The following TBXA2R variants were observed in gnomAD, a reference collection of about 807,000 sequenced individuals.
TBXA2R encodes the protein prostanoid TP receptor.
A neutral mutation model predicts 15.6 loss-of-function variants in TBXA2R; 15 were observed. The ratio of observed to expected loss-of-function variants is 0.96; its 90% confidence interval spans 0.64 to 1.48. TBXA2R has a LOEUF of 1.48. TBXA2R is among the 40% of genes most tolerant of loss of function. TBXA2R has a pLI of 0.00. For missense variants in TBXA2R, 506 were observed against 491.4 expected, an observed-to-expected ratio of 1.03 and a Z score of -0.28; for synonymous variants, 280 against 241.2, an observed-to-expected ratio of 1.16 and a Z score of -1.49.
At chr19:3,603,794 A>G (rs1219509202) in intron 1 of TBXA2R, among the ~76,000 whole-genome samples, 3 of 150,276 alleles carry the variant, frequency 2.0e-5, no homozygotes, top group African/African-American at 4.9e-5. Flanking sequence ...CCCCACCTCC[A>G]CTCCCCACCC....
rs149177103 is a variant in TBXA2R at position 3,605,912 on chromosome 19, C to T, written c.-84+618G>A. Among the ~76,000 whole-genome samples the T allele has an allele frequency of 1.5e-3, 221 of 151,086 alleles. 2 individuals are homozygous for T. Among genetic ancestry groups the T allele is most frequent in the African/African-American group, 5.3e-3 (217 of 41,108 alleles). Reference sequence around the variant, plus strand: ...CAGAAACACGACAGACATAGACACACACAGATACACACATAGGCACACAGG... The same window carrying T: ...CAGAAACACGACAGACATAGACACATACAGATACACACATAGGCACACAGG... On this transcript the variant is annotated intron_variant, in intron 1 of 2. Transcript: ENST00000375190.
chr19:3,598,372 A>T (rs2032644574), intron 2 of TBXA2R, among the ~76,000 whole-genome samples: 3 of 97,702 alleles, frequency 3.1e-5, no homozygotes, highest in African/African-American at 5.2e-5. Context: ...TTTTTTTGAG[A>T]CAGAGTCTTG....
intron 1 of TBXA2R, among the ~76,000 whole-genome samples, chr19:3,602,468 G>A (rs912458427): frequency 2.6e-5 from 4 of 152,130 alleles, no homozygotes; most frequent in African/African-American, 4.8e-5. Context: ...CAGGCGTGGT[G>A]GCTCACGCCT....
Position 3,599,926 on chromosome 19 carries a change from G to T in TBXA2R, c.709C>A (p.Arg237=). The T allele has an allele frequency of 6.4e-7, 1 of 1,551,388 alleles. No homozygotes were observed. ...HGQEAAQQRP[R]DSEVEMMAQL... ...GCCATCATCTCCACCTCGGAGTCCC[G>T]GGGACGCTGCTGGGCCGCCTCCTGC... Residue 237 remains arginine (R), a synonymous_variant, in exon 2 of 3, where the codon CGG becomes AGG. Transcript: ENST00000375190.
At chr19:3,605,526 A>T (rs1233814701) in intron 1 of TBXA2R, among the ~76,000 whole-genome samples, 1 of 151,848 alleles carries the variant, frequency 6.6e-6, no homozygotes, top group Admixed American at 6.6e-5. Context: ...AATGTGACAG[A>T]AACACAGCAG....
intron 1 of TBXA2R, among the ~76,000 whole-genome samples, chr19:3,602,524 G>A (rs1048124393): frequency 1.3e-5 from 2 of 152,098 alleles, no homozygotes; most frequent in Admixed American, 1.3e-4. Context: ...ATCACCTGAA[G>A]TCAGGAGTTT....
In TBXA2R at chr19:3,600,832, T is replaced by G. The variant is rs1347623104; in HGVS notation, c.-83-115A>C. 10 of 609,762 alleles carry G rather than the reference T, an allele frequency of 1.6e-5. No individual in the cohort carries two copies. The East Asian group carries it at 2.0e-4, about 12-fold the overall frequency. The allele number at this position is 609,762 out of a possible 1,614,324, so 37.8% of individuals were successfully genotyped here. ...AGCTCAAATATCCTCTCCGGTTTTT[T>G]TTTTTTTTTTTTTTGAGACAGAGTC... is the stretch of plus-strand genomic sequence containing the variant. On this transcript the variant is annotated intron_variant, in intron 1 of 2. Transcript: ENST00000375190.
At chr19:3,604,655 C>T (rs2032797345) in intron 1 of TBXA2R, among the ~76,000 whole-genome samples, 1 of 152,122 alleles carries the variant, frequency 6.6e-6, no homozygotes, top group African/African-American at 2.4e-5. Context: ...CAGGCTGGGG[C>T]TCCACCTTGC....
intron 1 of TBXA2R, among the ~76,000 whole-genome samples, chr19:3,604,220 A>G (rs1002696641): frequency 1.3e-5 from 2 of 152,074 alleles, no homozygotes; most frequent in Admixed American, 1.3e-4. Flanking sequence ...GGGTTCCAGA[A>G]ATCTCTGTCT....
chr19:3,605,339 G>A (rs1327701082), intron 1 of TBXA2R, among the ~76,000 whole-genome samples: 8 of 152,212 alleles, frequency 5.3e-5, no homozygotes, highest in African/African-American at 9.7e-5. Flanking sequence ...GTGCACACTC[G>A]AGACACACAG....
At chr19:3,598,350 C>CT (rs1177792648) in intron 2 of TBXA2R, among the ~76,000 whole-genome samples, 2,257 of 56,442 alleles carry the variant, frequency 0.04, 79 homozygotes, top group Admixed American at 0.11. Flanking sequence ...CTTTTCTTTT[C>CT]TTTTTTTTTT....
chr19:3,603,035 CAAAA>C (rs397714160), intron 1 of TBXA2R, among the ~76,000 whole-genome samples: 2 of 135,880 alleles, frequency 1.5e-5, no homozygotes, highest in Non-Finnish European at 3.1e-5. Context: ...GACTCCATCT[CAAAA>C]AAAAAAAAAA....
intron 2 of TBXA2R, 126 bp from the exon 3 acceptor site, chr19:3,596,059 C>G: frequency 1.6e-6 from 2 of 1,240,812 alleles, no homozygotes; most frequent in Non-Finnish European, 2.3e-6. Flanking sequence ...GACAGGGTCT[C>G]ACTCTGTCGT....
Position 3,604,330 on chromosome 19 carries a change from G to T in TBXA2R, c.-84+2200C>A, listed in dbSNP as rs562828736. ...GCTTGCAGGTCGTGTGACTCGGAGG[G>T]CTCTGTCCGGCGCTGTTTCCAGAGG... On this transcript the variant is annotated intron_variant, in intron 1 of 2. Coordinates refer to ENST00000375190, the MANE Select transcript of TBXA2R (RefSeq NM_001060.6). Among the ~76,000 whole-genome samples the T allele has an allele frequency of 4.5e-4, 68 of 152,296 alleles. No individual in the cohort carries two copies. In the South Asian group the frequency reaches 0.014, roughly 31 times the overall value.
Position 3,600,043 on chromosome 19 carries a change from G to C in TBXA2R, c.592C>G (p.Leu198Val). The change falls in exon 2 of 3, where the codon CTG (leucine) becomes GTG (valine). Residue 198 changes from leucine (L) to valine (V), a missense_variant. Transcript: ENST00000375190. Reference protein sequence around the residue: ...GAESGDVAFGLLFSMLGGLSV... With the variant: ...GAESGDVAFGVLFSMLGGLSV... ...AGGCCGCCCAGCATGGAGAAGAGCA[G>C]CCCGAAGGCCACGTCCCCGGACTCG... 4.3e-6 allele frequency: 7 copies of C among 1,612,652 alleles called. No homozygotes were observed. The highest frequency in any genetic ancestry group is 5.9e-6 in the Non-Finnish European group (7 of 1,179,734).
In TBXA2R at chr19:3,600,377, CACCACGATGGT is replaced by C. The variant is rs763461670; in HGVS notation, c.247_257del (p.Thr83ValfsTer304). 3 of 1,613,322 alleles carry C rather than the reference CACCACGATGGT, an allele frequency of 1.9e-6. No homozygotes were observed. The highest frequency in any genetic ancestry group is 1.3e-5 in the African/African-American group (1 of 74,916). ...ACTCGAAGAGCGCGGCGTGCTGGGA[CACCACGATGGT>C]ACCGGTCACCAGCAGCCCCAGGAAG... On this transcript the variant is annotated frameshift_variant, in exon 2 of 3. Transcript: ENST00000375190. LOFTEE classifies it high-confidence loss of function.
intron 2 of TBXA2R, among the ~76,000 whole-genome samples, chr19:3,598,274 C>T (rs996384409): frequency 2.6e-5 from 4 of 151,968 alleles, no homozygotes; most frequent in African/African-American, 9.7e-5. Flanking sequence ...CAAGGGTTGA[C>T]CCATGGGCCA....
At chr19:3,596,039 T>G in intron 2 of TBXA2R, 106 bp from the exon 3 acceptor site, 1 of 1,409,630 alleles carries the variant, frequency 7.1e-7, no homozygotes, top group Non-Finnish European at 9.7e-7. Flanking sequence ...TTTTTTAATT[T>G]TATTTTTGAG....
chr19:3,605,968 A>G (rs555844843), intron 1 of TBXA2R, among the ~76,000 whole-genome samples: 2 of 141,808 alleles, frequency 1.4e-5, no homozygotes, highest in East Asian at 1.9e-4. Context: ...ACAGAAAAAC[A>G]CAGACACACA....
Sources: gnomAD v4.1 joint callset for allele counts (sites outside exome capture counted in the v4.1 genomes callset) on GRCh38, gnomAD v4.1.1 for gene constraint, MANE v1.5 for transcripts, NCBI Gene and HGNC (gene_info 2026-07-23, HGNC 2026-07-21) for gene names.